Variants in DACH1 observed in about 807,000 individuals in gnomAD.
The protein encoded by DACH1 is dachshund homolog 1.
In DACH1, 12 loss-of-function variants were observed where a neutral mutation model predicts 54.2. The observed-to-expected ratio is 0.22, with a 90% CI of 0.14 to 0.36. DACH1 has a LOEUF of 0.36. Ranked by LOEUF, DACH1 falls within the 10% of genes least tolerant of loss-of-function variation. DACH1 has a pLI of 1.00. For synonymous variants in DACH1, 386 were observed against 366.2 expected (o/e 1.05, Z -0.62); for missense variants, 805 against 929.8 (o/e 0.87, Z 1.75).
intron 6 of DACH1, among the ~76,000 whole-genome samples, chr13:71,529,741 A>G (rs1195207370): frequency 2.0e-5 from 3 of 152,204 alleles, no homozygotes; most frequent in Non-Finnish European, 2.9e-5. Flanking sequence ...TCCTTAAACC[A>G]TTAATCAAGA....
At chr13:71,728,111 A>C (rs1245054034) in intron 1 of DACH1, among the ~76,000 whole-genome samples, 1 of 152,106 alleles carries the variant, frequency 6.6e-6, no homozygotes, top group Admixed American at 6.6e-5. Flanking sequence ...CATGCTGTCA[A>C]TTAAATGTCA....
intron 1 of DACH1, among the ~76,000 whole-genome samples, chr13:71,849,276 A>G (rs907273529): frequency 4.6e-5 from 7 of 152,194 alleles, no homozygotes; most frequent in African/African-American, 1.4e-4. Flanking sequence ...AGTCACAACT[A>G]ACTACTTTAC....
rs142272786 is a variant in DACH1, at chr13:71,618,356, G to A, written c.1126+12200C>T. On this transcript the variant is annotated intron_variant, in intron 3 of 10. Coordinates refer to ENST00000613252, the MANE Select transcript of DACH1 (RefSeq NM_080759.6). ...AAAAACTCAGAAACTGCTGAGTTAT[G>A]CTTTGTGGTAAACATTTTGGAATGT... Among the ~76,000 whole-genome samples, 65 of 152,120 alleles carry A rather than the reference G, an allele frequency of 4.3e-4. 1 individual carries two copies. In the Middle Eastern group the frequency reaches 0.01, roughly 24 times the overall value.
chr13:71,835,836 G>A (rs182198254), intron 1 of DACH1, among the ~76,000 whole-genome samples: 9 of 152,112 alleles, frequency 5.9e-5, no homozygotes, highest in Admixed American at 3.3e-4. Context: ...TTACATTAAA[G>A]TTTATACAGA....
chr13:71,573,859 T>C (rs1885374677), intron 3 of DACH1, among the ~76,000 whole-genome samples: 1 of 152,160 alleles, frequency 6.6e-6, no homozygotes, highest in Admixed American at 6.6e-5. Flanking sequence ...AAATGGTCTC[T>C]ATTATATTAA....
intron 6 of DACH1, among the ~76,000 whole-genome samples, chr13:71,552,781 ATATG>A (rs1180726551): frequency 8.0e-6 from 1 of 124,850 alleles, no homozygotes; most frequent in East Asian, 2.3e-4. Flanking sequence ...ATATATATAT[ATATG>A]GATGTGAATA....
chr13:71,491,440 C>T (rs575982572), intron 6 of DACH1, among the ~76,000 whole-genome samples: 14 of 152,146 alleles, frequency 9.2e-5, no homozygotes, highest in Admixed American at 5.2e-4. Context: ...TTTAATGGAA[C>T]GCTCATTTTG....
chr13:71,804,558 T>C (rs559067756), intron 1 of DACH1, among the ~76,000 whole-genome samples: 15 of 152,296 alleles, frequency 9.8e-5, no homozygotes, highest in Admixed American at 2.6e-4. Context: ...CCCTAGCCAA[T>C]ATTCAAGGCT....
intron 1 of DACH1, among the ~76,000 whole-genome samples, chr13:71,775,475 A>T (rs934079105): frequency 3.3e-5 from 5 of 152,090 alleles, no homozygotes; most frequent in African/African-American, 1.2e-4. Context: ...TCGCAAAATG[A>T]TTTAATATCT....
intron 6 of DACH1, among the ~76,000 whole-genome samples, chr13:71,498,745 A>G (rs1009066605): frequency 6.6e-6 from 1 of 152,180 alleles, no homozygotes; most frequent in South Asian, 2.1e-4. Context: ...TTGTATGAGG[A>G]AACCATGCAA....
At chr13:71,787,663 T>G (rs567893410) in intron 1 of DACH1, among the ~76,000 whole-genome samples, 1 of 152,324 alleles carries the variant, frequency 6.6e-6, no homozygotes, top group South Asian at 2.1e-4. Flanking sequence ...GAAACTCTTC[T>G]GCAATGTCAA....
At chr13:71,521,187 G>T (rs1452116186) in intron 6 of DACH1, among the ~76,000 whole-genome samples, 1 of 151,950 alleles carries the variant, frequency 6.6e-6, no homozygotes, top group Non-Finnish European at 1.5e-5. Flanking sequence ...CTTGTAAGTT[G>T]CTGTGAGGAC....
chr13:71,779,180 C>CATAT (rs1318576879), intron 1 of DACH1, among the ~76,000 whole-genome samples: 17 of 127,706 alleles, frequency 1.3e-4, no homozygotes, highest in Non-Finnish European at 2.3e-4. Flanking sequence ...TATATATACA[C>CATAT]ATATATACGT....
At chr13:71,801,435 T>G (rs941382778) in intron 1 of DACH1, among the ~76,000 whole-genome samples, 1 of 152,120 alleles carries the variant, frequency 6.6e-6, no homozygotes, top group Non-Finnish European at 1.5e-5. Flanking sequence ...ATTTTATACC[T>G]CTGCTCAAAA....
chr13:71,762,770 A>AT (rs1306823116), intron 1 of DACH1, among the ~76,000 whole-genome samples: 5 of 107,850 alleles, frequency 4.6e-5, no homozygotes, highest in Admixed American at 1.2e-4. Context: ...CTTTGTCTCA[A>AT]AAAAAAAAAA....
At chr13:71,600,559 G>C (rs1391483998) in intron 3 of DACH1, among the ~76,000 whole-genome samples, 1 of 151,674 alleles carries the variant, frequency 6.6e-6, no homozygotes, top group Non-Finnish European at 1.5e-5. Context: ...ATAAAAGAAG[G>C]ATCCAGGAAA....
rs937698623 is a variant in DACH1 at position 71,487,079 on chromosome 13, G to A, written c.1722+1918C>T. ...CTGGCCAGGCTGGTCTCGAACTCCCGATCTCAGGTGATCCACCTGCCTTGG... is the reference window on the plus strand; with the variant it reads ...CTGGCCAGGCTGGTCTCGAACTCCCAATCTCAGGTGATCCACCTGCCTTGG... On this transcript the variant is annotated intron_variant, in intron 7 of 10. Coordinates refer to ENST00000613252, the MANE Select transcript of DACH1 (RefSeq NM_080759.6). Among the ~76,000 whole-genome samples the A allele has an allele frequency of 5.9e-5, 9 of 151,996 alleles. No individual in the cohort carries two copies. The South Asian group carries it at 1.7e-3, about 28-fold the overall frequency.
At chr13:71,530,483 C>T (rs567489522) in intron 6 of DACH1, among the ~76,000 whole-genome samples, 2 of 151,948 alleles carry the variant, frequency 1.3e-5, no homozygotes, top group Non-Finnish European at 2.9e-5. Flanking sequence ...AACTTTTAAA[C>T]GAGATTACAA....
At chr13:71,475,377 G>T (rs1327148004) in intron 9 of DACH1, among the ~76,000 whole-genome samples, 168 bp from the exon 10 acceptor site, 2 of 152,116 alleles carry the variant, frequency 1.3e-5, no homozygotes, top group East Asian at 3.8e-4. Flanking sequence ...CGGAAGATTT[G>T]AACAGTAAGC....
Sources: gnomAD v4.1 joint callset for allele counts (sites outside exome capture counted in the v4.1 genomes callset) on GRCh38, gnomAD v4.1.1 for gene constraint, MANE v1.5 for transcripts, NCBI Gene and HGNC (gene_info 2026-07-23, HGNC 2026-07-21) for gene names.